The following ELP5 variants were observed in gnomAD, a reference collection of about 807,000 sequenced individuals.
ELP5 encodes the protein elongator complex protein 5.
Under a neutral mutation model 33.4 loss-of-function variants are expected in ELP5, and 34 were observed. The observed-to-expected ratio is 1.02, with a 90% CI of 0.78 to 1.36. ELP5 has a LOEUF of 1.36. Among genes scored for constraint, ELP5 ranks in the 40% most tolerant of loss-of-function variants. The probability of loss-of-function intolerance (pLI) is 0.00; values close to 1 mark genes in which losing one functional copy is unlikely to be tolerated. For missense variants in ELP5, 373 were observed against 371.7 expected (o/e 1.00, Z -0.03); for synonymous variants, 161 against 146.4 (o/e 1.10, Z -0.72).
At chr17:7,252,044 T>A (rs2071943229), upstream of ELP5, 13 of 216,880 alleles carry the variant, frequency 6.0e-5, 1 homozygote, top group South Asian at 6.4e-4. Context: ...GTGTATTCGC[T>A]TCACCGGGAC....
chr17:7,254,300 C>G (rs2072021891), intron 3 of ELP5, among the ~76,000 whole-genome samples: 1 of 152,168 alleles, frequency 6.6e-6, no homozygotes, highest in South Asian at 2.1e-4. Flanking sequence ...GTGCTGAATG[C>G]TTAGAGGTTG....
intron 4 of ELP5, among the ~76,000 whole-genome samples, chr17:7,255,629 G>C (rs1452945004): frequency 6.6e-6 from 1 of 152,130 alleles, no homozygotes; most frequent in Non-Finnish European, 1.5e-5. Flanking sequence ...GTGGGTACTC[G>C]AATGGACTTA....
rs187223800 is a variant in ELP5, at chr17:7,254,915, T to C, written c.409+112T>C. The C allele has an allele frequency of 3.4e-5, 29 of 849,164 alleles. No individual in the cohort carries two copies. The Admixed American group carries it at 9.3e-4, about 27-fold the overall frequency. 52.6% of individuals were successfully genotyped at this position (849,164 alleles called of 1,614,324 possible). Reference sequence around the variant, plus strand: ...TCTGGGTTCTCCAGTCAGACCTTTTTTCATTTTTTTGACTTTTTTGTCTGT... The same window carrying C: ...TCTGGGTTCTCCAGTCAGACCTTTTCTCATTTTTTTGACTTTTTTGTCTGT... On this transcript the variant is annotated intron_variant, in intron 4 of 7. Transcript: ENST00000396628.
chr17:7,252,303 C>T lies in ELP5; in HGVS notation c.-248C>T, dbSNP rs1597578860. Reference sequence around the variant, plus strand: ...ACTGCCCCAACTGCTCTTCCCGCCCCGGTCACAGTGAAAATGTAGACGGGG... The same window carrying T: ...ACTGCCCCAACTGCTCTTCCCGCCCTGGTCACAGTGAAAATGTAGACGGGG... On this transcript the variant is annotated 5_prime_UTR_variant, in exon 1 of 8. Transcript: ENST00000396628. The T allele has an allele frequency of 6.8e-6, 4 of 591,402 alleles. No individual in the cohort carries two copies. The highest frequency in any genetic ancestry group is 1.9e-5 in the South Asian group (1 of 53,220). 36.6% of individuals were successfully genotyped at this position (591,402 alleles called of 1,614,324 possible). A position where few individuals can be genotyped will look rare whatever the true frequency, so the allele number is the denominator to read the frequency against.
At position 7,258,854 on chromosome 17, in the gene ELP5, A is replaced by T. The variant is rs1156455710; in HGVS notation, c.716A>T (p.Asn239Ile). The part of the protein sequence containing the change: ...PVDPTTHLTF[N>I]LHLSKKEREA... Reference sequence around the variant, plus strand: ...GATCCCACAACTCATTTGACCTTTAACCTTCACCTGTCCAAGAAAGAGAGA... The same window carrying T: ...GATCCCACAACTCATTTGACCTTTATCCTTCACCTGTCCAAGAAAGAGAGA... The change falls in exon 7 of 8, where the codon AAC becomes ATC. Residue 239 changes from asparagine to isoleucine, a missense_variant. Physicochemically the swap from Asn to Ile is moderately radical, Grantham distance 149. Transcript: ENST00000396628. 9.3e-6 allele frequency: 15 copies of T among 1,614,062 alleles called. No homozygotes were observed. Among genetic ancestry groups the T allele is most frequent in the Non-Finnish European group, 1.3e-5 (15 of 1,180,006 alleles).
intron 5 of ELP5, among the ~76,000 whole-genome samples, chr17:7,257,529 C>G (rs2072105113): frequency 6.7e-6 from 1 of 149,680 alleles, no homozygotes; most frequent in African/African-American, 2.5e-5. Flanking sequence ...CTCCCATGTT[C>G]AAGTGATCCT....
At position 7,252,422 on chromosome 17, in the gene ELP5, C is replaced by A; in HGVS notation, c.-129C>A. On this transcript the variant is annotated 5_prime_UTR_variant, in exon 1 of 8. Coordinates refer to ENST00000396628, the MANE Select transcript of ELP5 (RefSeq NM_203414.3). ...ATATTGAACATAATCACCTCTCATTCCAGACTATGTTAGGTCTTAATGGTG... is the reference window on the plus strand; with the variant it reads ...ATATTGAACATAATCACCTCTCATTACAGACTATGTTAGGTCTTAATGGTG... The A allele has an allele frequency of 7.1e-7, 1 of 1,410,900 alleles. No individual in the cohort carries two copies. The highest frequency in any genetic ancestry group is 9.9e-7 in the Non-Finnish European group (1 of 1,012,228). 87.4% of individuals were successfully genotyped at this position (1,410,900 alleles called of 1,614,324 possible). A position where few individuals can be genotyped will look rare whatever the true frequency, so the allele number is the denominator to read the frequency against.
intron 3 of ELP5, among the ~76,000 whole-genome samples, chr17:7,253,443 G>C (rs539868429): frequency 3.9e-5 from 6 of 152,266 alleles, no homozygotes; most frequent in African/African-American, 1.4e-4. Flanking sequence ...GGAAAGTTTA[G>C]AACACATGTA....
rs551037577 is a variant in ELP5 at position 7,259,428 on chromosome 17, G to C, written c.789-143G>C. On this transcript the variant is annotated intron_variant, in intron 7 of 7. Transcript: ENST00000396628. ...CAAATGGTGCTTCAGCTCTAACATG[G>C]AGGTCAGAGAAAGGGACTTGGACCA... 2.1e-4 allele frequency: 305 copies of C among 1,467,176 alleles called. No individual in the cohort carries two copies. In the African/African-American group the frequency reaches 3.4e-3, roughly 16 times the overall value. The allele number at this position is 1,467,176 out of a possible 1,614,324, so 90.9% of individuals were successfully genotyped here.
intron 7 of ELP5, 96 bp downstream of exon 7, chr17:7,259,022 T>C (rs2072149491): frequency 6.4e-7 from 1 of 1,556,662 alleles, no homozygotes; most frequent in East Asian, 2.3e-5. Context: ...AACCTGACTT[T>C]ATAGGGACTG....
In ELP5 at chr17:7,252,260, C is replaced by T; in HGVS notation, c.-291C>T. On this transcript the variant is annotated 5_prime_UTR_variant, in exon 1 of 8. Transcript: ENST00000396628. Reference sequence around the variant, plus strand: ...CCTCGCGGGGGGCTTGTGGGTCCTCCTCCCCCTCCCACTGACAACTGCCCC... The same window carrying T: ...CCTCGCGGGGGGCTTGTGGGTCCTCTTCCCCCTCCCACTGACAACTGCCCC... 2 of 506,650 alleles carry T rather than the reference C, an allele frequency of 3.9e-6. No homozygotes were observed. Among genetic ancestry groups the T allele is most frequent in the Admixed American group, 3.3e-5 (1 of 30,264 alleles). The allele number at this position is 506,650 out of a possible 1,614,324, so 31.4% of individuals were successfully genotyped here.
In ELP5 at chr17:7,253,003, G is replaced by A. The variant is rs200724293; in HGVS notation, c.188+5G>A. The A allele has an allele frequency of 9.1e-5, 147 of 1,614,012 alleles. 1 individual carries two copies. The East Asian group carries it at 3.0e-3, about 33-fold the overall frequency. ...TGACTCTGATATCAACAATCGGTAAGTACCAGTTGGAAGAGATTTGATTAA... is the reference window on the plus strand; with the variant it reads ...TGACTCTGATATCAACAATCGGTAAATACCAGTTGGAAGAGATTTGATTAA... On this transcript the variant is annotated splice_donor_5th_base_variant and intron_variant, in intron 3 of 7. Coordinates refer to ENST00000396628, the MANE Select transcript of ELP5 (RefSeq NM_203414.3).
In ELP5 at chr17:7,259,788, C is replaced by T; in HGVS notation, c.*103C>T. 3 of 1,511,474 alleles carry T rather than the reference C, an allele frequency of 2.0e-6. No individual in the cohort carries two copies. The highest frequency in any genetic ancestry group is 2.7e-6 in the Non-Finnish European group (3 of 1,129,954). 93.6% of individuals were successfully genotyped at this position (1,511,474 alleles called of 1,614,324 possible). A position where few individuals can be genotyped will look rare whatever the true frequency, so the allele number is the denominator to read the frequency against. On this transcript the variant is annotated 3_prime_UTR_variant, in exon 8 of 8. Transcript: ENST00000396628. ...TGTTAGCCTTACCCTGTCCCTGCCCCACCTTGGTTCCCCTTGTCTATGGAG... is the reference window on the plus strand; with the variant it reads ...TGTTAGCCTTACCCTGTCCCTGCCCTACCTTGGTTCCCCTTGTCTATGGAG...
Position 7,258,586 on chromosome 17 carries a change from A to G in ELP5, c.592-2A>G, listed in dbSNP as rs1399160631. 6.2e-7 allele frequency: 1 copy of G among 1,613,852 alleles called. No homozygotes were observed. The highest frequency in any genetic ancestry group is 8.5e-7 in the Non-Finnish European group (1 of 1,179,888). ...AAAAACTCTTTTCTTTTTTCTCTCC[A>G]GACTCAGTGGTTCTCCATCCTTCCG... On this transcript the variant is annotated splice_acceptor_variant, in intron 5 of 7. Coordinates refer to ENST00000396628, the MANE Select transcript of ELP5 (RefSeq NM_203414.3). LOFTEE classifies it high-confidence loss of function.
chr17:7,258,769 G>T, intron 6 of ELP5, 57 bp from the exon 7 acceptor site: 1 of 1,614,138 alleles, frequency 6.2e-7, no homozygotes, highest in Non-Finnish European at 8.5e-7. Flanking sequence ...AGAGGTTGGG[G>T]GTGGGGTCAG....
intron 3 of ELP5, among the ~76,000 whole-genome samples, chr17:7,253,996 A>G (rs1394192466): frequency 4.0e-5 from 5 of 125,344 alleles, no homozygotes; most frequent in Admixed American, 7.9e-5. Context: ...ACTCTGTCTC[A>G]AAAAAAAAAA....
chr17:7,252,546 T>C lies in ELP5; in HGVS notation c.-5T>C, dbSNP rs1267386878. ...GCCAGAGCAGGGACCGGACGCGAGT[T>C]GGAGATGTTGGACTCGCTGTTGGCC... On this transcript the variant is annotated 5_prime_UTR_variant, in exon 1 of 8. Transcript: ENST00000396628. The C allele has an allele frequency of 6.2e-7, 1 of 1,613,542 alleles. No individual in the cohort carries two copies. Among genetic ancestry groups the C allele is most frequent in the South Asian group, 1.1e-5 (1 of 90,990 alleles).
chr17:7,257,829 G>A (rs530242046), intron 5 of ELP5, among the ~76,000 whole-genome samples: 2 of 152,194 alleles, frequency 1.3e-5, no homozygotes, highest in Non-Finnish European at 2.9e-5. Context: ...CAGCACTTTG[G>A]GGGGCCGAGG....
intron 4 of ELP5, 124 bp from the exon 5 acceptor site, chr17:7,256,733 C>G (rs756976740): frequency 2.1e-6 from 2 of 940,782 alleles, no homozygotes; most frequent in African/African-American, 3.2e-5. Context: ...TGAGATTGGC[C>G]AAGGGACGTC....
Sources: allele counts gnomAD v4.1 joint callset (sites outside exome capture counted in the v4.1 genomes callset), GRCh38; gene constraint gnomAD v4.1.1; transcripts MANE v1.5; gene names NCBI Gene and HGNC (gene_info 2026-07-23, HGNC 2026-07-21).